Variants in EFCAB11 observed in about 807,000 individuals in gnomAD.
The protein encoded by EFCAB11 is EF-hand calcium binding domain 11.
A neutral mutation model predicts 23.0 loss-of-function variants in EFCAB11; 14 were observed. The observed-to-expected ratio is 0.61, with a 90% CI of 0.40 to 0.95. The LOEUF (loss-of-function observed/expected upper bound fraction) is 0.95. EFCAB11 is among the 40% of genes least tolerant of loss of function. The pLI, the probability that EFCAB11 is intolerant of heterozygous loss-of-function variation, is 0.00. For missense variants in EFCAB11, 198 were observed against 195.8 expected (o/e 1.01, Z -0.07); for synonymous variants, 65 against 66.6 (o/e 0.98, Z 0.11).
intron 1 of EFCAB11, 76 bp from the exon 2 acceptor site, chr14:89,954,077 G>T: frequency 7.6e-7 from 1 of 1,310,416 alleles, no homozygotes; most frequent in Non-Finnish European, 1.1e-6. Context: ...ATACAGTTTG[G>T]ACCTCGAAAA....
intron 3 of EFCAB11, among the ~76,000 whole-genome samples, chr14:89,936,516 A>G (rs563980253): frequency 6.6e-6 from 1 of 152,308 alleles, no homozygotes; most frequent in South Asian, 2.1e-4. Flanking sequence ...TTTCTTTCAC[A>G]CTATTTTCCC....
At chr14:89,892,142 C>G (rs576447823) in intron 5 of EFCAB11, 1 of 1,558,530 alleles carries the variant, frequency 6.4e-7, no homozygotes, top group African/African-American at 1.4e-5. Context: ...CACTCAGGGC[C>G]CGGACAAGGT....
intron 5 of EFCAB11, among the ~76,000 whole-genome samples, chr14:89,885,140 T>C (rs1888713808): frequency 6.6e-6 from 1 of 152,174 alleles, no homozygotes; most frequent in Admixed American, 6.5e-5. Flanking sequence ...CAATTGTATA[T>C]CTAAATAAGT....
chr14:89,892,561 C>T (rs1271643220), intron 5 of EFCAB11: 2 of 814,890 alleles, frequency 2.5e-6, no homozygotes, highest in Non-Finnish European at 3.7e-6. Context: ...AGTATCCTGA[C>T]ACAGTCATGC....
At chr14:89,910,336 G>T (rs557909897) in intron 5 of EFCAB11, among the ~76,000 whole-genome samples, 5 of 152,180 alleles carry the variant, frequency 3.3e-5, no homozygotes, top group Middle Eastern at 3.4e-3. Flanking sequence ...AGTGGCTCAC[G>T]CCTGTAATCC....
Position 89,954,719 on chromosome 14 carries a change from G to A in EFCAB11, c.-59C>T, listed in dbSNP as rs1037892282. The A allele has an allele frequency of 3.8e-6, 6 of 1,574,644 alleles. No individual in the cohort carries two copies. The highest frequency in any genetic ancestry group is 5.2e-6 in the Non-Finnish European group (6 of 1,163,574). Reference sequence around the variant, plus strand: ...CCAGCTACCACCGCTTTCCCAGCCTGGCTGGCAGCCTACCGCGGCCACGCC... The same window carrying A: ...CCAGCTACCACCGCTTTCCCAGCCTAGCTGGCAGCCTACCGCGGCCACGCC... On this transcript the variant is annotated 5_prime_UTR_variant, in exon 1 of 6. Transcript: ENST00000316738.
At chr14:89,917,611 A>G (rs1406989775) in intron 5 of EFCAB11, among the ~76,000 whole-genome samples, 1 of 152,200 alleles carries the variant, frequency 6.6e-6, no homozygotes, top group African/African-American at 2.4e-5. Context: ...CATTATCATT[A>G]CTAGGCAGTG....
chr14:89,948,453 T>C (rs1439377534), intron 3 of EFCAB11, among the ~76,000 whole-genome samples: 3 of 152,156 alleles, frequency 2.0e-5, no homozygotes, highest in Non-Finnish European at 4.4e-5. Context: ...AAAATAAAGC[T>C]ACCATATGAT....
intron 5 of EFCAB11, among the ~76,000 whole-genome samples, chr14:89,870,686 C>T (rs1045577521): frequency 6.6e-6 from 1 of 150,670 alleles, no homozygotes; most frequent in Non-Finnish European, 1.5e-5. Flanking sequence ...AATCCCAGCA[C>T]TTTGGAAGGC....
chr14:89,835,486 A>C (rs922752624), intron 5 of EFCAB11, among the ~76,000 whole-genome samples: 3 of 151,828 alleles, frequency 2.0e-5, no homozygotes, highest in Non-Finnish European at 4.4e-5. Context: ...AACCAGTCAC[A>C]TGAGGTCAGG....
chr14:89,916,121 C>CA (rs1331957824), intron 5 of EFCAB11, among the ~76,000 whole-genome samples: 1 of 149,578 alleles, frequency 6.7e-6, no homozygotes, highest in African/African-American at 2.5e-5. Context: ...TTTTTCCCCC[C>CA]AAAACAATTT....
intron 5 of EFCAB11, among the ~76,000 whole-genome samples, chr14:89,849,373 A>C (rs187104137): frequency 6.6e-6 from 1 of 152,372 alleles, no homozygotes; most frequent in African/African-American, 2.4e-5. Flanking sequence ...GAAGAGTACA[A>C]ATGTCCAACA....
intron 5 of EFCAB11, among the ~76,000 whole-genome samples, chr14:89,859,494 C>T (rs1310466503): frequency 1.3e-5 from 2 of 152,200 alleles, no homozygotes; most frequent in Non-Finnish European, 2.9e-5. Flanking sequence ...AATGTATAGG[C>T]CTGTTCCTAC....
At chr14:89,834,279 G>A (rs1326400607) in intron 5 of EFCAB11, among the ~76,000 whole-genome samples, 2 of 149,450 alleles carry the variant, frequency 1.3e-5, no homozygotes, top group African/African-American at 2.5e-5. Context: ...AGGAGGCTGA[G>A]GCAGGTGAAT....
chr14:89,872,922 C>CA (rs1888327790), intron 5 of EFCAB11, among the ~76,000 whole-genome samples: 1 of 152,054 alleles, frequency 6.6e-6, no homozygotes, highest in African/African-American at 2.4e-5. Flanking sequence ...ATCTGCAAGC[C>CA]AAAGAGAAAG....
intron 5 of EFCAB11, among the ~76,000 whole-genome samples, chr14:89,929,061 T>TATATATATATATATATATATATATATA (rs1890298898): frequency 6.9e-6 from 1 of 145,528 alleles, no homozygotes; most frequent in African/African-American, 2.6e-5. Flanking sequence ...ACACATATTT[T>TATATATATATATATATATATATATATA]TTTTTAGGAG....
chr14:89,931,275 G>T, intron 5 of EFCAB11: 1 of 392,272 alleles, frequency 2.5e-6, no homozygotes. Context: ...CTTTCTTCCT[G>T]TTCCTCTCCT....
intron 5 of EFCAB11, among the ~76,000 whole-genome samples, chr14:89,916,532 C>A (rs559661659): frequency 9.2e-5 from 14 of 152,308 alleles, no homozygotes; most frequent in African/African-American, 3.4e-4. Flanking sequence ...GTAAAGAAGA[C>A]CATTTGAAAT....
chr14:89,897,788 T>C (rs1331390992), intron 5 of EFCAB11, among the ~76,000 whole-genome samples: 1 of 152,236 alleles, frequency 6.6e-6, no homozygotes, highest in Admixed American at 6.5e-5. Context: ...ATAGTTTTAA[T>C]TTATGCAAAC....
Sources: allele counts gnomAD v4.1 joint callset (sites outside exome capture counted in the v4.1 genomes callset), GRCh38; gene constraint gnomAD v4.1.1; transcripts MANE v1.5; gene names NCBI Gene and HGNC (gene_info 2026-07-23, HGNC 2026-07-21).